The following SPEF2 variants were observed in gnomAD, a reference collection of about 807,000 sequenced individuals.
The protein encoded by SPEF2 is sperm flagella and cilia-associated protein 2.
A neutral mutation model predicts 224.6 loss-of-function variants in SPEF2; 187 were observed. The ratio of observed to expected loss-of-function variants is 0.83; its 90% CI spans 0.74 to 0.94. SPEF2 has a LOEUF of 0.94. Ranked by LOEUF, SPEF2 falls within the 40% of genes least tolerant of loss-of-function variation. SPEF2 has a pLI of 0.00. For missense variants in SPEF2, 2,170 were observed against 2,135.6 expected (o/e 1.02, Z -0.32); for synonymous variants, 715 against 707.3 (o/e 1.01, Z -0.17).
chr5:35,662,611 G>A (rs1399510882), intron 8 of SPEF2, among the ~76,000 whole-genome samples: 2 of 152,174 alleles, frequency 1.3e-5, no homozygotes, highest in African/African-American at 2.4e-5. Context: ...TGTATATGGT[G>A]TAAGGGAGGG....
At chr5:35,666,958 C>T in intron 8 of SPEF2, 114 bp from the exon 9 acceptor site, 7 of 907,312 alleles carry the variant, frequency 7.7e-6, no homozygotes, top group South Asian at 1.9e-5. Flanking sequence ...AATTTTTTTC[C>T]TGGTGTGAGA....
intron 2 of SPEF2, among the ~76,000 whole-genome samples, chr5:35,632,135 C>T (rs1252224812): frequency 3.9e-5 from 6 of 152,170 alleles, no homozygotes; most frequent in African/African-American, 7.2e-5. Context: ...TCCACATTTT[C>T]GGGTATCTTT....
chr5:35,771,465 G>A (rs898502351), intron 26 of SPEF2, 144 bp from the exon 27 acceptor site: 4 of 1,007,364 alleles, frequency 4.0e-6, no homozygotes. Flanking sequence ...ACATGGTGGG[G>A]TGTGTTTTGT....
intron 1 of SPEF2, 28 bp from the exon 2 acceptor site, chr5:35,628,432 G>A (rs373881745): frequency 8.8e-5 from 129 of 1,469,556 alleles, no homozygotes; most frequent in Non-Finnish European, 1.2e-4. Flanking sequence ...TGTATTCATG[G>A]TTTTTATCTC....
intron 21 of SPEF2, among the ~76,000 whole-genome samples, chr5:35,739,674 A>G (rs1198432723): frequency 6.6e-6 from 1 of 152,058 alleles, no homozygotes; most frequent in African/African-American, 2.4e-5. Flanking sequence ...AGCCACCACC[A>G]CGACCGCCCG....
intron 1 of SPEF2, among the ~76,000 whole-genome samples, chr5:35,624,569 C>T (rs1743966186): frequency 6.6e-6 from 1 of 152,006 alleles, no homozygotes; most frequent in Non-Finnish European, 1.5e-5. Context: ...TTCTTTTTTC[C>T]TCACTGTTTC....
chr5:35,795,203 G>A (rs1580764224), intron 32 of SPEF2, among the ~76,000 whole-genome samples: 1 of 152,202 alleles, frequency 6.6e-6, no homozygotes, highest in South Asian at 2.1e-4. Context: ...TCTTGAGTCA[G>A]TCATTCAGTT....
chr5:35,648,665 A>G (rs1360182248), intron 5 of SPEF2, among the ~76,000 whole-genome samples: 1 of 152,198 alleles, frequency 6.6e-6, no homozygotes, highest in African/African-American at 2.4e-5. Flanking sequence ...AAACACAAAG[A>G]TGACCTAAAG....
At chr5:35,627,622 A>C (rs954572672) in intron 1 of SPEF2, among the ~76,000 whole-genome samples, 1 of 152,198 alleles carries the variant, frequency 6.6e-6, no homozygotes, top group Non-Finnish European at 1.5e-5. Flanking sequence ...AAAATAAAAT[A>C]AAATTCTGCA....
At chr5:35,722,094 G>GA (rs112401540) in intron 20 of SPEF2, among the ~76,000 whole-genome samples, 2,297 of 143,834 alleles carry the variant, frequency 0.016, 61 homozygotes, top group African/African-American at 0.053. Context: ...GAAGAGGAAA[G>GA]AAAAAAAAAA....
chr5:35,669,898 T>G (rs1339598691), intron 9 of SPEF2, among the ~76,000 whole-genome samples, 161 bp from the exon 10 acceptor site: 2 of 151,830 alleles, frequency 1.3e-5, no homozygotes, highest in Non-Finnish European at 3.0e-5. Context: ...TATATTAGTC[T>G]TATTGTCATT....
chr5:35,671,394 T>C, intron 10 of SPEF2: 1 of 968,642 alleles, frequency 1.0e-6, no homozygotes, highest in Non-Finnish European at 1.2e-6. Context: ...AGAATTATTA[T>C]TAAGGATTGA....
At chr5:35,743,680 C>T (rs1405178264) in intron 23 of SPEF2, among the ~76,000 whole-genome samples, 1 of 143,538 alleles carries the variant, frequency 7.0e-6, no homozygotes, top group East Asian at 2.0e-4. Context: ...ATTGAAATAA[C>T]CACTCTATTC....
intron 36 of SPEF2, chr5:35,807,934 T>G: frequency 7.1e-7 from 1 of 1,402,362 alleles, no homozygotes; most frequent in Non-Finnish European, 9.3e-7. Flanking sequence ...TACATCCCTC[T>G]CAGATACCAG....
intron 21 of SPEF2, among the ~76,000 whole-genome samples, chr5:35,731,285 A>G (rs1745596458): frequency 6.6e-6 from 1 of 152,236 alleles, no homozygotes; most frequent in Non-Finnish European, 1.5e-5. Context: ...GCAAATACAG[A>G]ATCAGTCATG....
chr5:35,741,057 A>T (rs1385843612), intron 23 of SPEF2, among the ~76,000 whole-genome samples: 1 of 152,226 alleles, frequency 6.6e-6, no homozygotes, highest in Non-Finnish European at 1.5e-5. Context: ...TTGAGCATCT[A>T]TTATGGTCCT....
chr5:35,672,638 T>C (rs528716093), intron 10 of SPEF2, among the ~76,000 whole-genome samples: 1 of 152,146 alleles, frequency 6.6e-6, no homozygotes, highest in African/African-American at 2.4e-5. Flanking sequence ...ATACATTTGC[T>C]TGAACAAATA....
intron 1 of SPEF2, among the ~76,000 whole-genome samples, chr5:35,625,297 C>A (rs745906065): frequency 3.3e-5 from 5 of 152,068 alleles, no homozygotes; most frequent in Non-Finnish European, 7.4e-5. Flanking sequence ...TCATAATTGC[C>A]TTATTAATAT....
intron 23 of SPEF2, among the ~76,000 whole-genome samples, chr5:35,740,837 G>A (rs773868459): frequency 6.6e-6 from 1 of 152,092 alleles, no homozygotes; most frequent in Non-Finnish European, 1.5e-5. Context: ...GGCCTCTGAT[G>A]TACAAAAAGC....
Sources: gnomAD v4.1 joint callset for allele counts (sites outside exome capture counted in the v4.1 genomes callset) on GRCh38, gnomAD v4.1.1 for gene constraint, MANE v1.5 for transcripts, NCBI Gene and HGNC (gene_info 2026-07-23, HGNC 2026-07-21) for gene names.